Variants in CDH13 observed in about 807,000 individuals in gnomAD.
The protein encoded by CDH13 is cadherin 13, also known as cadherin-13.
Under a neutral mutation model 63.8 loss-of-function variants are expected in CDH13, and 24 were observed. The ratio of observed to expected loss-of-function variants is 0.38; its 90% CI spans 0.27 to 0.53. The LOEUF (loss-of-function observed/expected upper bound fraction) is 0.53. CDH13 is among the 20% of genes least tolerant of loss of function. The pLI is 0.85. For missense variants in CDH13, 1,049 were observed against 903.1 expected (o/e 1.16, Z -2.07); for synonymous variants, 503 against 355.3 (o/e 1.42, Z -4.67).
At chr16:83,701,705 C>T (rs1393366150) in intron 10 of CDH13, among the ~76,000 whole-genome samples, 1 of 152,170 alleles carries the variant, frequency 6.6e-6, no homozygotes, top group African/African-American at 2.4e-5. Context: ...GACGTTACTA[C>T]GATCCAGCCC....
chr16:82,700,056 G>T (rs541560951), intron 1 of CDH13, among the ~76,000 whole-genome samples: 1 of 152,284 alleles, frequency 6.6e-6, no homozygotes, highest in African/African-American at 2.4e-5. Flanking sequence ...GTCTTTACTA[G>T]GGTGACACAA....
intron 6 of CDH13, among the ~76,000 whole-genome samples, chr16:83,478,452 A>G (rs1164507468): frequency 6.6e-6 from 1 of 152,098 alleles, no homozygotes; most frequent in African/African-American, 2.4e-5. Context: ...AGGACTGACC[A>G]AAGGTCATTA....
At chr16:83,580,486 CTCTCTCTCTCTCTCTCTCTCTAA>C in intron 7 of CDH13, among the ~76,000 whole-genome samples, 1 of 119,066 alleles carries the variant, frequency 8.4e-6, no homozygotes, top group African/African-American at 3.1e-5. Flanking sequence ...CTCTCTCTCT[CTCTCTCTCTCTCTCTCTCTCTAA>C]GTCAGGTCAG....
chr16:82,962,762 C>T (rs922954518), intron 2 of CDH13, among the ~76,000 whole-genome samples: 3 of 152,136 alleles, frequency 2.0e-5, no homozygotes, highest in Non-Finnish European at 4.4e-5. Flanking sequence ...TTTCAGATCT[C>T]AAGGTGTCAG....
intron 5 of CDH13, among the ~76,000 whole-genome samples, chr16:83,311,682 TCTGA>T (rs1247295891): frequency 6.6e-6 from 1 of 152,204 alleles, no homozygotes; most frequent in African/African-American, 2.4e-5. Context: ...ACCCAATTAG[TCTGA>T]CTCAAGGCTT....
intron 11 of CDH13, among the ~76,000 whole-genome samples, chr16:83,751,955 G>A (rs561969710): frequency 1.3e-5 from 2 of 152,346 alleles, no homozygotes; most frequent in Admixed American, 1.3e-4. Flanking sequence ...TTAGGGAGTT[G>A]CCCATGCAGA....
chr16:82,745,265 C>T (rs58786779), intron 1 of CDH13, among the ~76,000 whole-genome samples: 36,016 of 152,004 alleles, frequency 0.24, 5,195 homozygotes, highest in South Asian at 0.37. Flanking sequence ...AGGAAGAAAT[C>T]CAAGCTTCAG....
At chr16:83,743,006 G>A (rs1567566076) in intron 10 of CDH13, among the ~76,000 whole-genome samples, 2 of 152,134 alleles carry the variant, frequency 1.3e-5, no homozygotes, top group Non-Finnish European at 2.9e-5. Context: ...TCAGGAGTTC[G>A]AGACCAGCCT....
intron 2 of CDH13, among the ~76,000 whole-genome samples, chr16:82,950,966 T>C (rs534080821): frequency 8.9e-4 from 136 of 152,284 alleles, no homozygotes; most frequent in African/African-American, 3.2e-3. Flanking sequence ...ACTCTCCAAC[T>C]GCTATGCTTC....
At chr16:83,423,910 G>A (rs1023144914) in intron 6 of CDH13, among the ~76,000 whole-genome samples, 5 of 152,310 alleles carry the variant, frequency 3.3e-5, no homozygotes, top group East Asian at 3.9e-4. Context: ...GGCAGTCTGG[G>A]ACGTGGCTGT....
chr16:82,655,156 C>T (rs1440655405), intron 1 of CDH13, among the ~76,000 whole-genome samples: 1 of 152,208 alleles, frequency 6.6e-6, no homozygotes, highest in Non-Finnish European at 1.5e-5. Flanking sequence ...TGAATGCCCG[C>T]AAGCACCAGG....
intron 1 of CDH13, among the ~76,000 whole-genome samples, chr16:82,723,318 T>C (rs538533018): frequency 1.1e-4 from 16 of 152,344 alleles, no homozygotes; most frequent in African/African-American, 3.8e-4. Flanking sequence ...GCTTTTGCTT[T>C]TCAGTTCAGC....
intron 3 of CDH13, among the ~76,000 whole-genome samples, chr16:83,060,780 A>G (rs1055805899): frequency 1.1e-4 from 16 of 152,128 alleles, no homozygotes; most frequent in African/African-American, 2.9e-4. Context: ...TTCTGTACCT[A>G]TTGTCTGTTT....
intron 7 of CDH13, among the ~76,000 whole-genome samples, chr16:83,489,205 T>C (rs1000126541): frequency 6.6e-6 from 1 of 152,224 alleles, no homozygotes; most frequent in African/African-American, 2.4e-5. Context: ...AATTATCCCA[T>C]TTTTAAAGTT....
At chr16:83,480,698 C>T (rs2073739491) in intron 6 of CDH13, among the ~76,000 whole-genome samples, 1 of 152,132 alleles carries the variant, frequency 6.6e-6, no homozygotes, top group Admixed American at 6.5e-5. Flanking sequence ...TCTGGTTTGC[C>T]CAGGAGTGTC....
chr16:83,281,825 A>C (rs1348151623), intron 5 of CDH13, among the ~76,000 whole-genome samples: 2 of 152,050 alleles, frequency 1.3e-5, no homozygotes, highest in Non-Finnish European at 2.9e-5. Context: ...AGGCAGGAGA[A>C]TTGCTTGAAC....
At chr16:83,326,334 C>A (rs985824934) in intron 5 of CDH13, among the ~76,000 whole-genome samples, 1 of 151,854 alleles carries the variant, frequency 6.6e-6, no homozygotes, top group Non-Finnish European at 1.5e-5. Context: ...GGGGCATATT[C>A]TTTAAGGGGT....
intron 2 of CDH13, among the ~76,000 whole-genome samples, chr16:83,026,951 G>T (rs1021903411): frequency 6.6e-6 from 1 of 152,106 alleles, no homozygotes; most frequent in Non-Finnish European, 1.5e-5. Flanking sequence ...GATACACACG[G>T]GGTCCAGGGG....
chr16:82,996,298 G>C (rs950637801), intron 2 of CDH13, among the ~76,000 whole-genome samples: 9 of 152,062 alleles, frequency 5.9e-5, no homozygotes, highest in African/African-American at 1.9e-4. Flanking sequence ...TCCTCTCCCA[G>C]TGGCCTCTAC....
Sources: allele counts gnomAD v4.1 joint callset (sites outside exome capture counted in the v4.1 genomes callset), GRCh38; gene constraint gnomAD v4.1.1; transcripts MANE v1.5; gene names NCBI Gene and HGNC (gene_info 2026-07-23, HGNC 2026-07-21).